Variants in SPMIP2 observed in about 807,000 individuals in gnomAD.
SPMIP2 encodes the protein sperm microtubule inner protein 2, also known as protein SPMIP2.
chr4:158,921,048 A>C, the SPMIP2 span, among the ~76,000 whole-genome samples: 1 of 152,184 alleles, frequency 6.6e-6, no homozygotes, highest in Admixed American at 6.5e-5. Context: ...ACACTTATGG[A>C]AAAATAGAAA....
chr4:159,007,725 G>C, the SPMIP2 span: 2 of 666,696 alleles, frequency 3.0e-6, no homozygotes, highest in Non-Finnish European at 5.4e-6. Context: ...GGAGCTCAGG[G>C]CCATGGTGCT....
At chr4:158,903,760 T>C in the SPMIP2 span, among the ~76,000 whole-genome samples, 3 of 152,212 alleles carry the variant, frequency 2.0e-5, no homozygotes, top group Non-Finnish European at 1.5e-5. Context: ...CTTTGAGGAA[T>C]TCAAGGGTAA....
At chr4:159,055,857 T>C in the SPMIP2 span, among the ~76,000 whole-genome samples, 2 of 152,214 alleles carry the variant, frequency 1.3e-5, no homozygotes, top group Admixed American at 6.5e-5. Context: ...AGGGGGTCCT[T>C]CTTCCCTGAG....
At chr4:158,978,805 G>C in the SPMIP2 span, among the ~76,000 whole-genome samples, 1 of 151,790 alleles carries the variant, frequency 6.6e-6, no homozygotes, top group Non-Finnish European at 1.5e-5. Context: ...TTGAGCCTAT[G>C]TGTGTCTTTG....
chr4:158,938,168 G>A, the SPMIP2 span, among the ~76,000 whole-genome samples: 3 of 152,182 alleles, frequency 2.0e-5, no homozygotes, highest in Admixed American at 6.5e-5. Flanking sequence ...ATCGCTCCCC[G>A]AAGAAGTATT....
the SPMIP2 span, among the ~76,000 whole-genome samples, chr4:159,061,081 T>C: frequency 5.3e-5 from 3 of 56,730 alleles, no homozygotes; most frequent in Admixed American, 5.8e-4. Context: ...TGAGACCCTA[T>C]CTCAAAAAAA....
chr4:158,900,411 C>T, the SPMIP2 span, among the ~76,000 whole-genome samples: 2 of 151,994 alleles, frequency 1.3e-5, no homozygotes, highest in Admixed American at 6.6e-5. Context: ...TTTTCTGTCT[C>T]GTTGATCTAA....
At chr4:159,017,909 G>C in the SPMIP2 span, among the ~76,000 whole-genome samples, 1 of 152,202 alleles carries the variant, frequency 6.6e-6, no homozygotes, top group African/African-American at 2.4e-5. Context: ...ATGTGGGCTA[G>C]AATAAGAATG....
chr4:158,993,307 C>T, the SPMIP2 span, among the ~76,000 whole-genome samples: 1 of 151,708 alleles, frequency 6.6e-6, no homozygotes, highest in Non-Finnish European at 1.5e-5. Flanking sequence ...TTTGAGGTAG[C>T]AGTGAGCTAT....
At chr4:159,049,950 C>A in the SPMIP2 span, among the ~76,000 whole-genome samples, 3 of 152,094 alleles carry the variant, frequency 2.0e-5, no homozygotes, top group African/African-American at 7.2e-5. Flanking sequence ...AGAAAATGAG[C>A]CTTAAAGCTT....
At chr4:159,059,477 G>T in the SPMIP2 span, among the ~76,000 whole-genome samples, 1 of 152,186 alleles carries the variant, frequency 6.6e-6, no homozygotes, top group African/African-American at 2.4e-5. Context: ...GGCTCAAGCT[G>T]TCCTATGGCC....
the SPMIP2 span, among the ~76,000 whole-genome samples, chr4:159,077,148 C>CA: frequency 4.0e-5 from 6 of 148,986 alleles, no homozygotes; most frequent in Non-Finnish European, 8.9e-5. Context: ...AACAGATTTT[C>CA]TTTTTTTTTG....
At chr4:159,019,054 G>C in the SPMIP2 span, among the ~76,000 whole-genome samples, 2 of 152,050 alleles carry the variant, frequency 1.3e-5, no homozygotes, top group East Asian at 1.9e-4. Context: ...CGCGCCACTG[G>C]ACTCCAGCCT....
the SPMIP2 span, among the ~76,000 whole-genome samples, chr4:159,025,516 GT>G: frequency 6.6e-6 from 1 of 151,982 alleles, no homozygotes; most frequent in African/African-American, 2.4e-5. Flanking sequence ...CCACATTAAA[GT>G]TTTAAAACCA....
At chr4:158,979,617 G>A in the SPMIP2 span, among the ~76,000 whole-genome samples, 4 of 152,024 alleles carry the variant, frequency 2.6e-5, no homozygotes, top group African/African-American at 9.7e-5. Context: ...GGGAAGCCAC[G>A]TGGGACTGTG....
the SPMIP2 span, chr4:159,007,774 G>A: frequency 1.7e-6 from 1 of 589,374 alleles, no homozygotes. Context: ...TAACATATCA[G>A]CAGCAGCAAC....
At chr4:158,899,905 C>T in the SPMIP2 span, among the ~76,000 whole-genome samples, 3 of 152,092 alleles carry the variant, frequency 2.0e-5, no homozygotes, top group Non-Finnish European at 2.9e-5. Flanking sequence ...AATTTGTTTG[C>T]TCTTGCTTCT....
chr4:159,052,371 AAACAAC>A, the SPMIP2 span, among the ~76,000 whole-genome samples: 8 of 151,422 alleles, frequency 5.3e-5, no homozygotes, highest in Admixed American at 3.3e-4. Context: ...TAGACCCTGA[AAACAAC>A]AACAACAACA....
At chr4:158,941,262 C>T in the SPMIP2 span, among the ~76,000 whole-genome samples, 2 of 152,144 alleles carry the variant, frequency 1.3e-5, no homozygotes, top group African/African-American at 4.8e-5. Context: ...CTCAATCAAA[C>T]CAGGAATGAT....
Sources: allele counts gnomAD v4.1 joint callset (sites outside exome capture counted in the v4.1 genomes callset), GRCh38; gene constraint gnomAD v4.1.1; transcripts MANE v1.5; gene names NCBI Gene and HGNC (gene_info 2026-07-23, HGNC 2026-07-21).